Variants in C4orf54 observed in about 807,000 individuals in gnomAD.
The protein encoded by C4orf54 is chromosome 4 open reading frame 54.
In C4orf54, 67 loss-of-function variants were observed where a neutral mutation model predicts 80.1. That is an observed-to-expected ratio of 0.84 (90% CI 0.69 to 1.03). C4orf54 has a LOEUF of 1.03. Ranked by LOEUF, C4orf54 falls within the 50% of genes least tolerant of loss-of-function variation. C4orf54 has a pLI of 0.00. For synonymous variants in C4orf54, 1,000 were observed against 917.0 expected (o/e 1.09, Z -1.64); for missense variants, 2,434 against 2,253.5 (o/e 1.08, Z -1.62).
In C4orf54 at chr4:99,639,675, C is replaced by T. The variant is rs550285757; in HGVS notation, c.*1558G>A. The T allele has an allele frequency of 6.6e-6, 1 of 151,952 alleles. No individual in the cohort carries two copies. Among genetic ancestry groups the T allele is most frequent in the Admixed American group, 6.6e-5 (1 of 15,236 alleles). 9.4% of individuals were successfully genotyped at this position (151,952 alleles called of 1,614,324 possible). A position where few individuals can be genotyped will look rare whatever the true frequency, so the allele number is the denominator to read the frequency against. On this transcript the variant is annotated 3_prime_UTR_variant, in exon 3 of 3. Coordinates refer to ENST00000511828, the MANE Select transcript of C4orf54 (RefSeq NM_001354435.2). Reference sequence around the variant, plus strand: ...GAGAACTTTTTTTCAGAGTAAGATCCCTTAAAGGAAGGCCCTGAAAGTGAA... The same window carrying T: ...GAGAACTTTTTTTCAGAGTAAGATCTCTTAAAGGAAGGCCCTGAAAGTGAA...
chr4:99,647,688 A>G (rs1405070707), intron 2 of C4orf54, among the ~76,000 whole-genome samples: 9 of 152,244 alleles, frequency 5.9e-5, no homozygotes, highest in Non-Finnish European at 1.3e-4. Context: ...ATATTGTCTT[A>G]CAGTCCAATA....
At position 99,640,295 on chromosome 4, in the gene C4orf54, GCCA is replaced by G. The variant is rs1726584283; in HGVS notation, c.*935_*937del. 6.6e-6 allele frequency: 1 copy of G among 152,126 alleles called. No homozygotes were observed. Among genetic ancestry groups the G allele is most frequent in the Non-Finnish European group, 1.5e-5 (1 of 68,008 alleles). 9.4% of individuals were successfully genotyped at this position (152,126 alleles called of 1,614,324 possible). A position where few individuals can be genotyped will look rare whatever the true frequency, so the allele number is the denominator to read the frequency against. On this transcript the variant is annotated 3_prime_UTR_variant, in exon 3 of 3. Transcript: ENST00000511828. ...GAGGCTAGGGCTGGAGTGAATCAGA[GCCA>G]CTGAATTAGTGCCATATTCTACTCT... is the stretch of plus-strand genomic sequence containing the variant.
Position 99,650,132 on chromosome 4 carries a change from A to T in C4orf54, c.4517T>A (p.Leu1506Ter), listed in dbSNP as rs1578272525. 1 of 1,535,926 alleles carries T rather than the reference A, an allele frequency of 6.5e-7. No homozygotes were observed. Among genetic ancestry groups the T allele is most frequent in the Non-Finnish European group, 8.7e-7 (1 of 1,146,850 alleles). ...PNSSAATLCS[L>*]PPLSARSQVP... ...CTGACTGCGGGCACTCAGCGGGGGT[A>T]AACTACAGAGAGTGGCAGCTGAGGA... Residue 1506 changes from leucine (L) to a stop codon, truncating the protein, a stop_gained, in exon 2 of 3, where the codon TTA (leucine) becomes TAA (stop). Coordinates refer to ENST00000511828, the MANE Select transcript of C4orf54 (RefSeq NM_001354435.2). LOFTEE classifies it high-confidence loss of function.
Position 99,653,531 on chromosome 4 carries a change from A to G in C4orf54, c.1118T>C (p.Ile373Thr). The G allele has an allele frequency of 1.3e-6, 2 of 1,535,754 alleles. No homozygotes were observed. ...GTCCTGTTCCACCTCACTCAGCTGG[A>G]TCTCATGGGTGGTGATGTAGTGAGC... ...EEAHYITTHE[I>T]QLSEVEQDMD... Residue 373 changes from isoleucine to threonine, a missense_variant, in exon 2 of 3, where the codon ATC becomes ACC. Physicochemically the swap from Ile to Thr is moderately conservative, Grantham distance 89. Coordinates refer to ENST00000511828, the MANE Select transcript of C4orf54 (RefSeq NM_001354435.2).
In C4orf54 at chr4:99,653,965, T is replaced by G; in HGVS notation, c.684A>C (p.Pro228=). The stretch of plus-strand genomic sequence containing the variant: ...TGGGTTCATCTTGGGCTTTCTCCTT[T>G]GGGCTCCTAGAGGCCCTCTGACCCC... The part of the protein sequence containing the change: ...CPGGQRASRS[P]KEKAQDEPSS... The change falls in exon 2 of 3, where the codon CCA becomes CCC. Residue 228 remains proline, a synonymous_variant. Transcript: ENST00000511828. 1 of 1,536,230 alleles carries G rather than the reference T, an allele frequency of 6.5e-7. No individual in the cohort carries two copies. Among genetic ancestry groups the G allele is most frequent in the African/African-American group, 1.4e-5 (1 of 73,156 alleles).
intron 2 of C4orf54, among the ~76,000 whole-genome samples, chr4:99,646,447 C>T (rs761222978): frequency 2.0e-4 from 30 of 152,210 alleles, no homozygotes; most frequent in Non-Finnish European, 2.9e-4. Context: ...CCAAATGCCA[C>T]CACAGAGCAG....
intron 2 of C4orf54, among the ~76,000 whole-genome samples, chr4:99,645,043 C>T (rs1726677007): frequency 6.6e-6 from 1 of 151,896 alleles, no homozygotes; most frequent in Non-Finnish European, 1.5e-5. Context: ...CACTGAACTC[C>T]AGCCTGGGCG....
In C4orf54 at chr4:99,649,667, G is replaced by C; in HGVS notation, c.4982C>G (p.Ser1661Cys). 1.3e-6 allele frequency: 2 copies of C among 1,536,202 alleles called. No homozygotes were observed. The highest frequency in any genetic ancestry group is 1.7e-6 in the Non-Finnish European group (2 of 1,146,924). Reference protein sequence around the residue: ...QQQAVAPMSISVPPLALSPGA... With the variant: ...QQQAVAPMSICVPPLALSPGA... ...AGGACTCAGGGCCAAGGGAGGCACAGAGATGGACATGGGAGCCACAGCCTG... is the reference window on the plus strand; with the variant it reads ...AGGACTCAGGGCCAAGGGAGGCACACAGATGGACATGGGAGCCACAGCCTG... The change falls in exon 2 of 3, where the codon TCT (serine) becomes TGT (cysteine). Residue 1661 changes from serine to cysteine, a missense_variant. Coordinates refer to ENST00000511828, the MANE Select transcript of C4orf54 (RefSeq NM_001354435.2).
At chr4:99,655,730 C>A (rs748090006) in intron 1 of C4orf54, among the ~76,000 whole-genome samples, 1 of 152,186 alleles carries the variant, frequency 6.6e-6, no homozygotes, top group East Asian at 1.9e-4. Context: ...TGGGTACTAT[C>A]GGTGGAGAAC....
chr4:99,653,643 C>G lies in C4orf54; in HGVS notation c.1006G>C (p.Gly336Arg), dbSNP rs966546722. Reference sequence around the variant, plus strand: ...GTTCCATCTCCTGCCCCTCCTCCCCCTCCTCCTTTTCCTCCTCCCCCTCCT... The same window carrying G: ...GTTCCATCTCCTGCCCCTCCTCCCCGTCCTCCTTTTCCTCCTCCCCCTCCT... The part of the protein sequence containing the change: ...SGGGGGGKGG[G>R]GGGAGDGTEC... Residue 336 changes from glycine to arginine, a missense_variant, in exon 2 of 3, where the codon GGG becomes CGG. By Grantham distance (125) the Gly-to-Arg change is moderately radical. Transcript: ENST00000511828. 2.6e-6 allele frequency: 4 copies of G among 1,533,856 alleles called. No individual in the cohort carries two copies. The Admixed American group carries it at 5.9e-5, about 23-fold the overall frequency.
Position 99,653,663 on chromosome 4 carries a change from C to G in C4orf54, c.986G>C (p.Gly329Ala). The G allele has an allele frequency of 6.6e-7, 1 of 1,525,164 alleles. No individual in the cohort carries two copies. The highest frequency in any genetic ancestry group is 8.8e-7 in the Non-Finnish European group (1 of 1,141,162). The allele number at this position is 1,525,164 out of a possible 1,614,324, so 94.5% of individuals were successfully genotyped here. A position where few individuals can be genotyped will look rare whatever the true frequency, so the allele number is the denominator to read the frequency against. The change falls in exon 2 of 3, where the codon GGG becomes GCG. Residue 329 changes from glycine (G) to alanine (A), a missense_variant. By Grantham distance (60) the Gly-to-Ala change is moderately conservative. Transcript: ENST00000511828. Reference protein sequence around the residue: ...GGEGEKISGGGGGGKGGGGGG... With the variant: ...GGEGEKISGGAGGGKGGGGGG... The stretch of plus-strand genomic sequence containing the variant: ...TCCCCCTCCTCCTTTTCCTCCTCCC[C>G]CTCCTCCTGATATTTTCTCTCCTTC...
chr4:99,648,052 CTTTTT>C (rs56172764), intron 2 of C4orf54, among the ~76,000 whole-genome samples: 8 of 141,678 alleles, frequency 5.6e-5, no homozygotes, highest in African/African-American at 1.8e-4. Context: ...CTTTTTTTTT[CTTTTT>C]TTTTTTTGGT....
At chr4:99,643,692 T>C (rs1336951948) in intron 2 of C4orf54, among the ~76,000 whole-genome samples, 2 of 148,944 alleles carry the variant, frequency 1.3e-5, no homozygotes, top group Non-Finnish European at 3.0e-5. Context: ...AGATTCAGGG[T>C]CAGTTTCTTA....
rs1251312173 is a variant in C4orf54, at chr4:99,650,513, A to G, written c.4136T>C (p.Val1379Ala). Reference protein sequence around the residue: ...SLYIPPVHKDVERTQPLQPLP... With the variant: ...SLYIPPVHKDAERTQPLQPLP... Reference sequence around the variant, plus strand: ...GGGCTGCAGGGGTTGGGTTCTCTCTACATCCTTGTGGACTGGGGGAATATA... The same window carrying G: ...GGGCTGCAGGGGTTGGGTTCTCTCTGCATCCTTGTGGACTGGGGGAATATA... Residue 1379 changes from valine to alanine, a missense_variant, in exon 2 of 3, where the codon GTA becomes GCA. Transcript: ENST00000511828. 1 of 1,536,054 alleles carries G rather than the reference A, an allele frequency of 6.5e-7. No homozygotes were observed. The highest frequency in any genetic ancestry group is 1.2e-5 in the South Asian group (1 of 84,060).
chr4:99,654,117 G>A lies in C4orf54; in HGVS notation c.532C>T (p.Leu178=). ...AQDSQELKQQ[L]WPLPKPSASS... Reference sequence around the variant, plus strand: ...GCTGAAGGCTTGGGAAGTGGCCACAGCTGCTGCTTGAGCTCCTGGCTGTCT... The same window carrying A: ...GCTGAAGGCTTGGGAAGTGGCCACAACTGCTGCTTGAGCTCCTGGCTGTCT... The change falls in exon 2 of 3, where the codon CTG becomes TTG. Residue 178 remains leucine (L), a synonymous_variant. Coordinates refer to ENST00000511828, the MANE Select transcript of C4orf54 (RefSeq NM_001354435.2). The A allele has an allele frequency of 1.3e-6, 2 of 1,536,184 alleles. No homozygotes were observed. Among genetic ancestry groups the A allele is most frequent in the Non-Finnish European group, 1.7e-6 (2 of 1,146,928 alleles).
In C4orf54 at chr4:99,653,449, G is replaced by A; in HGVS notation, c.1200C>T (p.Ile400=). 1.3e-6 allele frequency: 2 copies of A among 1,536,164 alleles called. No individual in the cohort carries two copies. Among genetic ancestry groups the A allele is most frequent in the Non-Finnish European group, 1.7e-6 (2 of 1,146,910 alleles). Residue 400 remains isoleucine (I), a synonymous_variant, in exon 2 of 3, where the codon ATC becomes ATT. Coordinates refer to ENST00000511828, the MANE Select transcript of C4orf54 (RefSeq NM_001354435.2). ...SRWDFEDNNV[I]YSFVDYASFG... is the part of the protein sequence containing the mutation. ...AGGAAGCATAATCCACGAACGAGTA[G>A]ATCACGTTGTTGTCCTCGAAATCCC...
At chr4:99,644,863 C>CAAAA (rs35279198) in intron 2 of C4orf54, among the ~76,000 whole-genome samples, 2,292 of 73,698 alleles carry the variant, frequency 0.031, 56 homozygotes, top group African/African-American at 0.074. Flanking sequence ...GAACAAGTTG[C>CAAAA]AAAAAAAAAA....
chr4:99,646,628 C>T (rs1485679185), intron 2 of C4orf54, among the ~76,000 whole-genome samples: 1 of 152,122 alleles, frequency 6.6e-6, no homozygotes, highest in Non-Finnish European at 1.5e-5. Flanking sequence ...CTCTGGGGAC[C>T]TCAGTAAAAC....
intron 2 of C4orf54, among the ~76,000 whole-genome samples, chr4:99,644,669 G>A (rs1363894820): frequency 6.6e-6 from 1 of 151,742 alleles, no homozygotes; most frequent in Non-Finnish European, 1.5e-5. Flanking sequence ...CAAGTACAAC[G>A]CTTCAAGAAC....
Sources: gnomAD v4.1 joint callset for allele counts (sites outside exome capture counted in the v4.1 genomes callset) on GRCh38, gnomAD v4.1.1 for gene constraint, MANE v1.5 for transcripts, NCBI Gene and HGNC (gene_info 2026-07-23, HGNC 2026-07-21) for gene names.